The following RGS5 variants were observed in gnomAD, a reference collection of about 807,000 sequenced individuals.
The protein encoded by RGS5 is regulator of G protein signaling 5.
Under a neutral mutation model 18.9 loss-of-function variants are expected in RGS5, and 20 were observed. The observed-to-expected ratio is 1.06, with a 90% CI of 0.74 to 1.54. The LOEUF (loss-of-function observed/expected upper bound fraction) is 1.54. RGS5 is among the 40% of genes most tolerant of loss of function. RGS5 has a pLI of 0.00. For synonymous variants in RGS5, 57 were observed against 76.2 expected, an observed-to-expected ratio of 0.75 and a Z score of 1.31; for missense variants, 201 against 211.8, an observed-to-expected ratio of 0.95 and a Z score of 0.32.
chr1:163,162,388 C>T lies in RGS5; in HGVS notation c.156-412G>A, dbSNP rs192682636. On this transcript the variant is annotated intron_variant, in intron 2 of 4. Coordinates refer to ENST00000313961, the MANE Select transcript of RGS5 (RefSeq NM_003617.4). ...CTGCCTCACCAATACTGCATGTTAA[C>T]CACCTAACTGAATCAGCAGAGGGCA... is the stretch of plus-strand genomic sequence containing the variant. Among the ~76,000 whole-genome samples, 434 of 152,238 alleles carry T rather than the reference C, an allele frequency of 2.9e-3. 2 individuals are homozygous for T. Among genetic ancestry groups the T allele is most frequent in the African/African-American group, 9.9e-3 (411 of 41,542 alleles).
chr1:163,163,556 C>T (rs1181581461), intron 2 of RGS5, among the ~76,000 whole-genome samples: 2 of 152,080 alleles, frequency 1.3e-5, no homozygotes, highest in African/African-American at 2.4e-5. Flanking sequence ...TATTTCTAAC[C>T]AGAAAAGGAC....
At chr1:163,190,672 C>T (rs1177392789) in intron 1 of RGS5, among the ~76,000 whole-genome samples, 1 of 152,158 alleles carries the variant, frequency 6.6e-6, no homozygotes, top group African/African-American at 2.4e-5. Flanking sequence ...TGGACAGCAT[C>T]CTGTTGGAAG....
In RGS5 at chr1:163,168,385, A is replaced by C. The variant is rs764824514; in HGVS notation, c.45-17T>G. The C allele has an allele frequency of 6.3e-7, 1 of 1,584,924 alleles. No homozygotes were observed. The highest frequency in any genetic ancestry group is 8.7e-7 in the Non-Finnish European group (1 of 1,153,566). Reference sequence around the variant, plus strand: ...TCCTTGGCCCTGAAAGAAGAGACACAAGGGGAAATGAGGACACCACATGTG... The same window carrying C: ...TCCTTGGCCCTGAAAGAAGAGACACCAGGGGAAATGAGGACACCACATGTG... On this transcript the variant is annotated splice_polypyrimidine_tract_variant and intron_variant, in intron 1 of 4. Transcript: ENST00000313961.
At chr1:163,276,878 G>A (rs143456035) in intron 2 of RGS5, among the ~76,000 whole-genome samples, 4 of 152,192 alleles carry the variant, frequency 2.6e-5, no homozygotes, top group South Asian at 2.1e-4. Context: ...CCCTCCTCTC[G>A]GCCAAGGGCA....
At chr1:163,234,051 C>T (rs764947869) in intron 2 of RGS5, among the ~76,000 whole-genome samples, 3 of 152,222 alleles carry the variant, frequency 2.0e-5, no homozygotes, top group Non-Finnish European at 4.4e-5. Flanking sequence ...AGTACTTACT[C>T]ATTTCCACTC....
rs561334600 is a variant in RGS5, at chr1:163,228,525, C to T, written c.-280-60157G>A. 2.3e-3 allele frequency among the ~76,000 whole-genome samples: 355 copies of T among 152,324 alleles called. 3 individuals are homozygous for T. Among genetic ancestry groups the T allele is most frequent in the African/African-American group, 8.4e-3 (349 of 41,582 alleles). On this transcript the variant is annotated intron_variant, in intron 2 of 5. Transcript: ENST00000618415. Reference sequence around the variant, plus strand: ...GACACCATTTTTCCCTCCTAGGCCTCCGGGCCTGTGATGGAAGGGGCTGCT... The same window carrying T: ...GACACCATTTTTCCCTCCTAGGCCTTCGGGCCTGTGATGGAAGGGGCTGCT...
chr1:163,314,800 G>A (rs1350453004), intron 1 of RGS5, among the ~76,000 whole-genome samples: 2 of 152,102 alleles, frequency 1.3e-5, no homozygotes, highest in Non-Finnish European at 2.9e-5. Flanking sequence ...GTCCAACAAA[G>A]CTCATTCATG....
chr1:163,231,754 T>TTAAAA lies in RGS5; in HGVS notation c.-280-63387_-280-63386insTTTTA, dbSNP rs1440478324. On this transcript the variant is annotated intron_variant, in intron 2 of 5. Transcript: ENST00000618415. The stretch of plus-strand genomic sequence containing the variant: ...CCTGGGAAGAAACAAGTGGTAAAAT[T>TTAAAA]AAAAAAAAAAAAAAAAGGCTAAATA... 3.7e-5 allele frequency among the ~76,000 whole-genome samples: 5 copies of TTAAAA among 133,358 alleles called. No individual in the cohort carries two copies. The East Asian group carries it at 8.6e-4, about 23-fold the overall frequency. The allele number at this position is 133,358 out of a possible 152,430, so 87.5% of individuals were successfully genotyped here.
intron 2 of RGS5, among the ~76,000 whole-genome samples, chr1:163,270,777 T>G (rs902498993): frequency 3.1e-4 from 47 of 152,164 alleles, no homozygotes; most frequent in African/African-American, 1.1e-3. Flanking sequence ...TCTAGGGAGT[T>G]AGGCATCTAA....
At chr1:163,219,943 A>G (rs1262735622), upstream of RGS5, among the ~76,000 whole-genome samples, 2 of 152,132 alleles carry the variant, frequency 1.3e-5, no homozygotes, top group Admixed American at 1.3e-4. Flanking sequence ...TAGGATTGGT[A>G]TTGCTGGGAC....
chr1:163,167,480 A>G (rs1442687289), intron 2 of RGS5, among the ~76,000 whole-genome samples: 1 of 152,198 alleles, frequency 6.6e-6, no homozygotes, highest in Non-Finnish European at 1.5e-5. Context: ...TTCCTGAGTT[A>G]AAGCGGGGCC....
chr1:163,317,626 A>C (rs1470614494), intron 1 of RGS5, among the ~76,000 whole-genome samples: 1 of 152,140 alleles, frequency 6.6e-6, no homozygotes, highest in African/African-American at 2.4e-5. Flanking sequence ...AACCATTCAA[A>C]GTTACTATTA....
intron 1 of RGS5, among the ~76,000 whole-genome samples, chr1:163,177,082 G>A (rs950715567): frequency 1.1e-4 from 16 of 152,298 alleles, no homozygotes; most frequent in Admixed American, 2.6e-4. Context: ...GTGTTTACAC[G>A]TAGGCTTGTT....
chr1:163,172,701 G>T, intron 1 of RGS5: 2 of 1,225,118 alleles, frequency 1.6e-6, no homozygotes, highest in South Asian at 3.3e-5. Context: ...ATAAAGTTAA[G>T]AGTATTTAAG....
intron 2 of RGS5, chr1:163,244,613 A>G (rs1276523842): frequency 6.6e-6 from 1 of 152,206 alleles, no homozygotes; most frequent in East Asian, 1.9e-4. Flanking sequence ...AGGGACTCGG[A>G]AAAGACAATG....
At chr1:163,172,721 C>A (rs1305858620) in intron 1 of RGS5, 10 of 1,038,234 alleles carry the variant, frequency 9.6e-6, no homozygotes, top group Non-Finnish European at 1.4e-5. Context: ...GTTGTGAAGT[C>A]TATTAAATTT....
upstream of RGS5, among the ~76,000 whole-genome samples, chr1:163,204,698 A>G (rs1041918938): frequency 2.0e-5 from 3 of 152,226 alleles, no homozygotes; most frequent in African/African-American, 7.2e-5. Context: ...CTATTGACTG[A>G]GTAAACATCA....
chr1:163,207,188 T>G (rs965064950), upstream of RGS5, among the ~76,000 whole-genome samples: 5 of 152,228 alleles, frequency 3.3e-5, no homozygotes, highest in Admixed American at 3.3e-4. Flanking sequence ...ACATAGGAAG[T>G]GTAAAGTCTA....
intron 3 of RGS5, among the ~76,000 whole-genome samples, chr1:163,155,418 C>G (rs1392977801): frequency 6.6e-6 from 1 of 152,108 alleles, no homozygotes; most frequent in South Asian, 2.1e-4. Context: ...TTCTTTTAAC[C>G]TTTTTGTTCA....
Sources: gnomAD v4.1 joint callset for allele counts (sites outside exome capture counted in the v4.1 genomes callset) on GRCh38, gnomAD v4.1.1 for gene constraint, MANE v1.5 for transcripts, NCBI Gene and HGNC (gene_info 2026-07-23, HGNC 2026-07-21) for gene names.